LAMA3: variants seen among roughly 807,000 people sequenced by gnomAD.
LAMA3 encodes laminin subunit alpha-3.
LAMA3 carries 281 observed loss-of-function variants against 402.0 expected under a neutral mutation model. That is an observed-to-expected ratio of 0.70 (90% CI 0.63 to 0.77). LAMA3 has a LOEUF of 0.77. LAMA3 is among the 30% of genes least tolerant of loss of function. The pLI, the probability that LAMA3 is intolerant of heterozygous loss-of-function variation, is 0.00. For missense variants in LAMA3, 3,840 were observed against 4,215.5 expected (o/e 0.91, Z 2.47); for synonymous variants, 1,431 against 1,558.4 (o/e 0.92, Z 1.93).
chr18:23,913,805 C>G (rs2081515831), intron 56 of LAMA3, among the ~76,000 whole-genome samples: 1 of 152,134 alleles, frequency 6.6e-6, no homozygotes, highest in Admixed American at 6.5e-5. Context: ...CAAATTTATA[C>G]CATATACCTA....
intron 74 of LAMA3, 97 bp from the exon 75 acceptor site, chr18:23,954,401 TAAAAA>T (rs11406615): frequency 8.9e-4 from 601 of 678,876 alleles, no homozygotes; most frequent in Non-Finnish European, 1.0e-3. Context: ...GGACCCTGTC[TAAAAA>T]AAAAAAAAAA....
chr18:23,899,631 A>G (rs1269304619), intron 47 of LAMA3, 176 bp downstream of exon 47: 1 of 660,562 alleles, frequency 1.5e-6, no homozygotes, highest in African/African-American at 1.8e-5. Flanking sequence ...CCAGGTTACC[A>G]ACGGGCTGTA....
At chr18:23,724,394 T>C (rs1261249581) in intron 2 of LAMA3, among the ~76,000 whole-genome samples, 2 of 152,226 alleles carry the variant, frequency 1.3e-5, no homozygotes, top group Non-Finnish European at 2.9e-5. Flanking sequence ...ATCTGAGTTA[T>C]CAATGAAAAA....
intron 68 of LAMA3, among the ~76,000 whole-genome samples, chr18:23,942,773 T>G (rs2082570461): frequency 1.3e-5 from 2 of 152,110 alleles, no homozygotes; most frequent in South Asian, 4.2e-4. Context: ...AGACAGGGTT[T>G]CCCCATGTTG....
intron 8 of LAMA3, among the ~76,000 whole-genome samples, chr18:23,768,053 A>T (rs571049962): frequency 6.6e-6 from 1 of 152,230 alleles, no homozygotes; most frequent in African/African-American, 2.4e-5. Flanking sequence ...AGGAAACACC[A>T]TTCTGGACAT....
At position 23,763,529 on chromosome 18, in the gene LAMA3, G is replaced by A. The variant is rs2062017047; in HGVS notation, c.1182+6G>A. On this transcript the variant is annotated splice_donor_region_variant and intron_variant, in intron 8 of 74. Transcript: ENST00000313654. Reference sequence around the variant, plus strand: ...GGGTCTGCATTAACTGTCAGGTGAGGCACTATTTAAATCAAAGTGGATGTG... The same window carrying A: ...GGGTCTGCATTAACTGTCAGGTGAGACACTATTTAAATCAAAGTGGATGTG... 6.6e-7 allele frequency: 1 copy of A among 1,521,810 alleles called. No homozygotes were observed. Among genetic ancestry groups the A allele is most frequent in the Non-Finnish European group, 9.1e-7 (1 of 1,095,862 alleles). 94.3% of individuals were successfully genotyped at this position (1,521,810 alleles called of 1,614,324 possible). A position where few individuals can be genotyped will look rare whatever the true frequency, so the allele number is the denominator to read the frequency against.
rs777842895 is a variant in LAMA3, at chr18:23,826,756, C to T, written c.2626C>T (p.Pro876Ser). 1.3e-6 allele frequency: 2 copies of T among 1,567,798 alleles called. No homozygotes were observed. Among genetic ancestry groups the T allele is most frequent in the South Asian group, 2.3e-5 (2 of 85,228 alleles). Residue 876 changes from proline (P) to serine (S), a missense_variant, in exon 22 of 75, where the codon CCA becomes TCA. Transcript: ENST00000313654. ...CTATGAAGCCTCTGTACTGCAGCTG[C>T]CAGTCACAGAACCATGTGCCTACGC... is the stretch of plus-strand genomic sequence containing the variant. Reference protein sequence around the residue: ...DYYEASVLQLPVTEPCAYAGP... With the variant: ...DYYEASVLQLSVTEPCAYAGP...
At position 23,827,369 on chromosome 18, in the gene LAMA3, G is replaced by A. The variant is rs1482974451; in HGVS notation, c.2725G>A (p.Glu909Lys). Residue 909 changes from glutamate to lysine, a missense_variant, in exon 23 of 75, where the codon GAG becomes AAG. Physicochemically the swap from Glu to Lys is moderately conservative, Grantham distance 56. Around this residue, in one of 3 missense-constraint regions of LAMA3, gnomAD observed 2,109 missense variants for 2,376.0 expected, o/e 0.89. Transcript: ENST00000313654. ...VTRFPCTLACEARHFLLDGEP... is the reference protein window; with the variant it reads ...VTRFPCTLACKARHFLLDGEP... ...CAGATTCCCCTGTACCCTGGCTTGT[G>A]AGGCCAGACACTTCCTGCTTGATGG... The A allele has an allele frequency of 1.2e-6, 2 of 1,614,110 alleles. No homozygotes were observed. The highest frequency in any genetic ancestry group is 1.7e-5 in the Admixed American group (1 of 59,998).
intron 5 of LAMA3, 115 bp downstream of exon 5, chr18:23,751,203 G>A (rs1188907316): frequency 4.0e-6 from 4 of 1,000,164 alleles, no homozygotes; most frequent in Non-Finnish European, 6.3e-6. Flanking sequence ...ATGTAGGTGT[G>A]GGAGTTGTTC....
At chr18:23,807,714 A>T (rs1187273975) in intron 12 of LAMA3, among the ~76,000 whole-genome samples, 1 of 152,118 alleles carries the variant, frequency 6.6e-6, no homozygotes, top group East Asian at 1.9e-4. Context: ...ACCTGATTGG[A>T]TGAGGACCAC....
intron 27 of LAMA3, 66 bp from the exon 28 acceptor site, chr18:23,842,329 C>T (rs1042452547): frequency 3.2e-6 from 5 of 1,573,424 alleles, no homozygotes; most frequent in Non-Finnish European, 4.4e-6. Context: ...CTCTATGATT[C>T]CAGTTATTCA....
At chr18:23,895,481 G>A (rs1198324405) in intron 44 of LAMA3, among the ~76,000 whole-genome samples, 2 of 152,206 alleles carry the variant, frequency 1.3e-5, no homozygotes, top group African/African-American at 4.8e-5. Context: ...GAATAGGTAT[G>A]AGACTACAGT....
intron 31 of LAMA3, 49 bp downstream of exon 31, chr18:23,846,557 A>G: frequency 6.6e-7 from 1 of 1,525,066 alleles, no homozygotes; most frequent in Non-Finnish European, 8.9e-7. Context: ...TCCCGTGTGG[A>G]TGATGCTTAC....
chr18:23,724,781 A>G (rs2061270038), intron 2 of LAMA3, among the ~76,000 whole-genome samples: 1 of 152,204 alleles, frequency 6.6e-6, no homozygotes, highest in African/African-American at 2.4e-5. Context: ...TGAATTCTTC[A>G]TGACAGTTCA....
intron 12 of LAMA3, among the ~76,000 whole-genome samples, chr18:23,801,917 C>G (rs1006200851): frequency 1.3e-5 from 2 of 152,222 alleles, no homozygotes; most frequent in African/African-American, 4.8e-5. Flanking sequence ...AGTTGGAAAA[C>G]AAAGATTTTT....
intron 7 of LAMA3, 84 bp downstream of exon 7, chr18:23,758,595 G>GA: frequency 9.8e-7 from 1 of 1,015,778 alleles, no homozygotes; most frequent in South Asian, 1.3e-5. Flanking sequence ...CCATGCTAGA[G>GA]AAGAGGCTGT....
chr18:23,820,189 A>T (rs2063257816), intron 19 of LAMA3, among the ~76,000 whole-genome samples, 192 bp downstream of exon 19: 1 of 152,182 alleles, frequency 6.6e-6, no homozygotes, highest in African/African-American at 2.4e-5. Flanking sequence ...TTAACTGATA[A>T]GCATATGTGT....
intron 32 of LAMA3, among the ~76,000 whole-genome samples, chr18:23,851,030 G>A (rs1045301654): frequency 2.2e-4 from 34 of 152,364 alleles, no homozygotes; most frequent in African/African-American, 8.2e-4. Context: ...CTAAGCCTTT[G>A]TGTTAAATGG....
intron 2 of LAMA3, among the ~76,000 whole-genome samples, chr18:23,731,202 T>G (rs767312540): frequency 2.0e-5 from 3 of 152,152 alleles, no homozygotes; most frequent in Non-Finnish European, 4.4e-5. Context: ...CCCAGAGAAT[T>G]TTTTCTTTTG....
Sources: gnomAD v4.1 joint callset for allele counts (sites outside exome capture counted in the v4.1 genomes callset) on GRCh38, gnomAD v4.1.1 for gene constraint, gnomAD v4.1.1 regional missense constraint, MANE v1.5 for transcripts, NCBI Gene and HGNC (gene_info 2026-07-23, HGNC 2026-07-21) for gene names.